Variants in FREM3 observed in about 807,000 individuals in gnomAD.
FREM3 encodes the protein FRAS1 related extracellular matrix 3.
FREM3 carries 105 observed loss-of-function variants against 129.1 expected under a neutral mutation model. The observed-to-expected ratio is 0.81, with a 90% confidence interval of 0.69 to 0.96. The LOEUF is 0.96. Ranked by LOEUF, FREM3 falls within the 40% of genes least tolerant of loss-of-function variation. The pLI is 0.00. For missense variants in FREM3, 2,593 were observed against 2,666.3 expected, an observed-to-expected ratio of 0.97 and a Z score of 0.61; for synonymous variants, 1,014 against 1,044.9, an observed-to-expected ratio of 0.97 and a Z score of 0.57.
chr4:143,595,951 G>T (rs1165357004), intron 6 of FREM3, among the ~76,000 whole-genome samples: 1 of 151,756 alleles, frequency 6.6e-6, no homozygotes, highest in Non-Finnish European at 1.5e-5. Flanking sequence ...AGAAAATAAG[G>T]TGCTATGTCT....
At chr4:143,595,662 C>A (rs6812104) in intron 6 of FREM3, among the ~76,000 whole-genome samples, 1 of 151,802 alleles carries the variant, frequency 6.6e-6, no homozygotes, top group Non-Finnish European at 1.5e-5. Context: ...CCAAGGTGGG[C>A]GGATCACGAG....
intron 1 of FREM3, 100 bp downstream of exon 1, chr4:143,695,391 T>G: frequency 9.9e-7 from 1 of 1,013,816 alleles, no homozygotes; most frequent in South Asian, 1.8e-5. Flanking sequence ...ACAAGAATCT[T>G]ACTGCAAATG....
At chr4:143,607,663 G>C (rs1423824315) in intron 6 of FREM3, among the ~76,000 whole-genome samples, 1 of 152,114 alleles carries the variant, frequency 6.6e-6, no homozygotes, top group African/African-American at 2.4e-5. Flanking sequence ...GACAAGAAGA[G>C]ATCATCTTTT....
chr4:143,664,815 G>T (rs757907825), intron 2 of FREM3, among the ~76,000 whole-genome samples: 26 of 152,068 alleles, frequency 1.7e-4, no homozygotes, highest in Admixed American at 3.3e-4. Context: ...CCCCAACCTC[G>T]CTGCCGCCTT....
At chr4:143,678,680 G>T (rs1189559711) in intron 2 of FREM3, among the ~76,000 whole-genome samples, 1 of 152,020 alleles carries the variant, frequency 6.6e-6, no homozygotes, top group Non-Finnish European at 1.5e-5. Flanking sequence ...AAGTATGCAA[G>T]TATGTACCAC....
At chr4:143,669,365 G>T (rs1322151221) in intron 2 of FREM3, among the ~76,000 whole-genome samples, 1 of 152,182 alleles carries the variant, frequency 6.6e-6, no homozygotes, top group Admixed American at 6.5e-5. Flanking sequence ...GAGTGCAGTG[G>T]CTTGGTCATG....
chr4:143,627,547 A>G (rs887309155), intron 3 of FREM3, 67 bp downstream of exon 3: 3 of 1,258,732 alleles, frequency 2.4e-6, no homozygotes, highest in Middle Eastern at 1.9e-4. Context: ...CTTTCTTGTA[A>G]TTATTTTTAG....
At position 143,699,166 on chromosome 4, in the gene FREM3, C is replaced by A; in HGVS notation, c.1510G>T (p.Val504Leu). The A allele has an allele frequency of 6.5e-7, 1 of 1,537,366 alleles. No homozygotes were observed. The highest frequency in any genetic ancestry group is 8.7e-7 in the Non-Finnish European group (1 of 1,146,944). ...TPADLAAGRVVYQHDGSNTYS... is the reference protein window; with the variant it reads ...TPADLAAGRVLYQHDGSNTYS... The stretch of plus-strand genomic sequence containing the variant: ...GTGTTGCTGCCATCATGCTGATACA[C>A]CACTCGCCCTGCTGCCAGGTCCGCT... Residue 504 changes from valine (V) to leucine (L), a missense_variant, in exon 1 of 8, where the codon GTG becomes TTG. Val to Leu is a conservative substitution (Grantham distance 32, BLOSUM62 1). Around this residue, in one of 2 missense-constraint regions of FREM3, gnomAD observed 2,276 missense variants for 2,267.2 expected, o/e 1.00. Coordinates refer to ENST00000329798, the MANE Select transcript of FREM3 (RefSeq NM_001168235.2). The surrounding 1 kb of genome is among the most constrained non-coding windows in gnomAD (Gnocchi z 4.2).
intron 2 of FREM3, among the ~76,000 whole-genome samples, chr4:143,660,365 G>C (rs1432938895): frequency 5.3e-5 from 8 of 151,978 alleles, no homozygotes; most frequent in East Asian, 3.9e-4. Flanking sequence ...TCTTGTTTTT[G>C]TCAGGTTTGT....
chr4:143,639,347 C>G (rs898170573), intron 2 of FREM3, among the ~76,000 whole-genome samples: 1 of 152,114 alleles, frequency 6.6e-6, no homozygotes, highest in African/African-American at 2.4e-5. Flanking sequence ...CAGAACTGGA[C>G]TGAGTGAGGA....
chr4:143,647,745 G>T (rs773132623), intron 2 of FREM3, among the ~76,000 whole-genome samples: 2 of 152,168 alleles, frequency 1.3e-5, no homozygotes, highest in African/African-American at 4.8e-5. Flanking sequence ...GTATGGAAGT[G>T]CCTGGATGTC....
At position 143,696,905 on chromosome 4, in the gene FREM3, G is replaced by C; in HGVS notation, c.3771C>G (p.Leu1257=). 6.5e-7 allele frequency: 1 copy of C among 1,537,730 alleles called. No homozygotes were observed. Among genetic ancestry groups the C allele is most frequent in the Non-Finnish European group, 8.7e-7 (1 of 1,147,022 alleles). ...TGGTGGAGGCCTCCTGGATCTCCTT[G>C]AGGGTGAAGCTGTGGATGGGCTGGC... is the stretch of plus-strand genomic sequence containing the variant. ...TGSQPIHSFT[L]KEIQEASTIV... is the part of the protein sequence containing the mutation. Residue 1257 remains leucine (L), a synonymous_variant, in exon 1 of 8, where the codon CTC becomes CTG. Coordinates refer to ENST00000329798, the MANE Select transcript of FREM3 (RefSeq NM_001168235.2).
chr4:143,674,375 A>G lies in FREM3; in HGVS notation c.5275+18738T>C, dbSNP rs59014337. ...TTGTCACCACCAGGCCTGCCCTACA[A>G]GAGCTCCTGAAGGAAGCGCTAAACA... is the stretch of plus-strand genomic sequence containing the variant. On this transcript the variant is annotated intron_variant, in intron 2 of 7. Coordinates refer to ENST00000329798, the MANE Select transcript of FREM3 (RefSeq NM_001168235.2). 3.3e-3 allele frequency among the ~76,000 whole-genome samples: 503 copies of G among 152,334 alleles called. 17 individuals are homozygous for G. The East Asian group carries it at 0.055, about 17-fold the overall frequency.
chr4:143,627,138 G>GT (rs1490985762), intron 3 of FREM3, among the ~76,000 whole-genome samples: 1 of 151,998 alleles, frequency 6.6e-6, no homozygotes, highest in Non-Finnish European at 1.5e-5. Context: ...ATTTGACACC[G>GT]TACATGTCCT....
chr4:143,648,804 G>A (rs72723197), intron 2 of FREM3, among the ~76,000 whole-genome samples: 4,332 of 152,194 alleles, frequency 0.028, 94 homozygotes, highest in Non-Finnish European at 0.039. Context: ...GTTCTCTCGC[G>A]CAGGCTGGAG....
chr4:143,663,865 A>C (rs975060746), intron 2 of FREM3, among the ~76,000 whole-genome samples: 4 of 151,888 alleles, frequency 2.6e-5, no homozygotes, highest in African/African-American at 9.7e-5. Flanking sequence ...CCTTTCTTCC[A>C]GTTGATCGCA....
chr4:143,699,260 T>C lies in FREM3; in HGVS notation c.1416A>G (p.Ala472=). The change falls in exon 1 of 8, where the codon GCA becomes GCG. Residue 472 remains alanine, a synonymous_variant. Coordinates refer to ENST00000329798, the MANE Select transcript of FREM3 (RefSeq NM_001168235.2). The surrounding 1 kb of genome is among the most constrained non-coding windows in gnomAD (Gnocchi z 4.2). The part of the protein sequence containing the change: ...KDNLEEVKMA[A]VRGLRHGQLV... ...GCTGCCCATGTCTCAAGCCCCTGAC[T>C]GCAGCCATTTTCACCTCTTCCAGGT... 6.5e-7 allele frequency: 1 copy of C among 1,537,314 alleles called. No homozygotes were observed. The highest frequency in any genetic ancestry group is 1.7e-4 in the Middle Eastern group (1 of 5,990).
rs2149866428 is a variant in FREM3, at chr4:143,700,532, G to A, written c.144C>T (p.Ala48=). The A allele has an allele frequency of 6.6e-7, 1 of 1,519,998 alleles. No homozygotes were observed. The highest frequency in any genetic ancestry group is 8.8e-7 in the Non-Finnish European group (1 of 1,137,262). The allele number at this position is 1,519,998 out of a possible 1,614,324, so 94.2% of individuals were successfully genotyped here. A position where few individuals can be genotyped will look rare whatever the true frequency, so the allele number is the denominator to read the frequency against. The change falls in exon 1 of 8, where the codon GCC becomes GCT. Residue 48 remains alanine (A), a synonymous_variant. Transcript: ENST00000329798. The part of the protein sequence containing the change: ...TEPDPALYLP[A]RGALDGTRPD... The stretch of plus-strand genomic sequence containing the variant: ...GGCGAGTGCCGTCAAGCGCACCCCG[G>A]GCGGGCAGGTAAAGCGCCGGGTCGG...
Position 143,697,449 on chromosome 4 carries a change from T to A in FREM3, c.3227A>T (p.Glu1076Val). The A allele has an allele frequency of 6.5e-7, 1 of 1,537,210 alleles. No homozygotes were observed. Among genetic ancestry groups the A allele is most frequent in the South Asian group, 1.2e-5 (1 of 84,064 alleles). Residue 1076 changes from glutamate to valine, a missense_variant, in exon 1 of 8, where the codon GAG becomes GTG. Physicochemically the swap from Glu to Val is moderately radical, Grantham distance 121 (BLOSUM62 -2). Coordinates refer to ENST00000329798, the MANE Select transcript of FREM3 (RefSeq NM_001168235.2). ...CTCACCTTCATAGACAATGAAGGAC[T>A]CCCCGACGAAGACCTTGGGTCCCAC... ...DNVGPKVFVG[E>V]SFIVYEGEKN...
Sources: allele counts gnomAD v4.1 joint callset (sites outside exome capture counted in the v4.1 genomes callset), GRCh38; gene constraint gnomAD v4.1.1; regional missense constraint gnomAD v4.1.1; non-coding constraint Gnocchi (gnomAD v3.1); transcripts MANE v1.5; gene names NCBI Gene and HGNC (gene_info 2026-07-23, HGNC 2026-07-21).